SCAI: variants seen among roughly 807,000 people sequenced by gnomAD.
SCAI encodes the protein suppressor of cancer cell invasion.
SCAI carries 24 observed loss-of-function variants against 92.2 expected under a neutral mutation model. That is an observed-to-expected ratio of 0.26 (90% CI 0.19 to 0.37). SCAI has a LOEUF of 0.37. Among genes scored for constraint, SCAI ranks in the 10% least tolerant of loss-of-function variants. SCAI has a pLI of 1.00. For synonymous variants in SCAI, 261 were observed against 258.6 expected, an observed-to-expected ratio of 1.01 and a Z score of -0.09; for missense variants, 450 against 736.2, an observed-to-expected ratio of 0.61 and a Z score of 4.50.
intron 6 of SCAI, among the ~76,000 whole-genome samples, chr9:125,025,220 T>C (rs998726902): frequency 2.6e-5 from 4 of 152,204 alleles, no homozygotes; most frequent in African/African-American, 9.6e-5. Flanking sequence ...CACCAGATTG[T>C]CCTTTGATTC....
At chr9:125,036,418 G>A (rs1439873650) in intron 3 of SCAI, among the ~76,000 whole-genome samples, 1 of 152,056 alleles carries the variant, frequency 6.6e-6, no homozygotes, top group Non-Finnish European at 1.5e-5. Flanking sequence ...ATTAATAAAC[G>A]AAGAAAGAGT....
intron 17 of SCAI, among the ~76,000 whole-genome samples, chr9:124,958,838 C>G (rs1831373962): frequency 2.0e-5 from 3 of 148,474 alleles, no homozygotes; most frequent in Non-Finnish European, 4.4e-5. Flanking sequence ...ATCCGGGAGG[C>G]AGAGGTTGCA....
rs3222316 is a variant in SCAI at position 125,126,392 on chromosome 9, G to GGTGT, written c.98+16237_98+16240dup. 2.2e-3 allele frequency among the ~76,000 whole-genome samples: 251 copies of GGTGT among 115,112 alleles called. 1 individual carries two copies. The highest frequency in any genetic ancestry group is 7.5e-3 in the South Asian group (29 of 3,858). The allele number at this position is 115,112 out of a possible 152,430, so 75.5% of individuals were successfully genotyped here. A position where few individuals can be genotyped will look rare whatever the true frequency, so the allele number is the denominator to read the frequency against. ...TTAGCCTCCCCCAAAGTGAGTTGGG[G>GGTGT]GTGTGTGTGTGTGTGTGTGTGTGTG... On this transcript the variant is annotated intron_variant, in intron 2 of 17. Transcript: ENST00000336505.
At position 125,085,360 on chromosome 9, in the gene SCAI, A is replaced by G. The variant is rs541177670; in HGVS notation, c.99-29353T>C. ...AAATTAGCCTTGCGTGGTGGCGTGC[A>G]CCTGTAGTCACAGCTACTCAGGAAG... On this transcript the variant is annotated intron_variant, in intron 2 of 17. Coordinates refer to ENST00000336505, the MANE Select transcript of SCAI (RefSeq NM_001144877.3). 9.2e-5 allele frequency among the ~76,000 whole-genome samples: 14 copies of G among 152,148 alleles called. 1 individual carries two copies. The South Asian group carries it at 2.9e-3, about 32-fold the overall frequency.
chr9:124,972,187 T>C (rs544293181), intron 15 of SCAI, among the ~76,000 whole-genome samples: 1 of 152,326 alleles, frequency 6.6e-6, no homozygotes, highest in South Asian at 2.1e-4. Flanking sequence ...CCAGTCTTTT[T>C]CATTCTCTTC....
intron 2 of SCAI, among the ~76,000 whole-genome samples, chr9:125,083,185 T>C (rs1834256778): frequency 6.6e-6 from 1 of 152,136 alleles, no homozygotes; most frequent in Non-Finnish European, 1.5e-5. Context: ...GGAGTTCCCC[T>C]GCACAAGCTC....
intron 1 of SCAI, 133 bp downstream of exon 1, chr9:125,143,252 T>TC (rs969112112): frequency 1.0e-5 from 3 of 299,966 alleles, no homozygotes; most frequent in South Asian, 1.4e-4. Context: ...GCCCCCAAGG[T>TC]CCCCCCAGCC....
rs941761582 is a variant in SCAI at position 124,947,070 on chromosome 9, T to C, written c.*5737A>G. On this transcript the variant is annotated 3_prime_UTR_variant, in exon 18 of 18. Coordinates refer to ENST00000336505, the MANE Select transcript of SCAI (RefSeq NM_001144877.3). ...CTCATAGAGACACATAAAACACTGA[T>C]GAAAAAAGAATTGTTCCAAAATCAA... 6.6e-6 allele frequency: 1 copy of C among 152,126 alleles called. No homozygotes were observed. The highest frequency in any genetic ancestry group is 2.4e-5 in the African/African-American group (1 of 41,430). 9.4% of individuals were successfully genotyped at this position (152,126 alleles called of 1,614,324 possible). A position where few individuals can be genotyped will look rare whatever the true frequency, so the allele number is the denominator to read the frequency against.
chr9:125,095,254 G>T (rs1834522868), intron 2 of SCAI, among the ~76,000 whole-genome samples: 1 of 152,202 alleles, frequency 6.6e-6, no homozygotes, highest in Non-Finnish European at 1.5e-5. Context: ...GTCAGCTCCT[G>T]TTGTTCACAG....
At chr9:125,101,523 T>C (rs922574567) in intron 2 of SCAI, among the ~76,000 whole-genome samples, 1 of 152,162 alleles carries the variant, frequency 6.6e-6, no homozygotes, top group Non-Finnish European at 1.5e-5. Context: ...CTGACTAAGA[T>C]GAGACCTCCA....
In SCAI at chr9:125,019,200, C is replaced by T; in HGVS notation, c.615G>A (p.Leu205=). ...MDVVKDLVKE[L]SDEIEDYTHR... Reference sequence around the variant, plus strand: ...GAGTATAATCTTCAATTTCATCTGACAATTCCTGATTTTAAAAACATCACA... The same window carrying T: ...GAGTATAATCTTCAATTTCATCTGATAATTCCTGATTTTAAAAACATCACA... The change falls in exon 8 of 18, where the codon TTG becomes TTA. Residue 205 remains leucine (L), a synonymous_variant. Transcript: ENST00000336505. 1 of 1,545,122 alleles carries T rather than the reference C, an allele frequency of 6.5e-7. No homozygotes were observed. The highest frequency in any genetic ancestry group is 8.8e-7 in the Non-Finnish European group (1 of 1,133,484).
At chr9:125,061,614 G>C (rs1023438008) in intron 2 of SCAI, among the ~76,000 whole-genome samples, 1 of 152,058 alleles carries the variant, frequency 6.6e-6, no homozygotes, top group Non-Finnish European at 1.5e-5. Context: ...ACAAAAGCTA[G>C]CCAGGCATGG....
chr9:125,053,326 C>T (rs553303765), intron 3 of SCAI, among the ~76,000 whole-genome samples: 4 of 152,192 alleles, frequency 2.6e-5, no homozygotes, highest in African/African-American at 4.8e-5. Context: ...AAGAGCAACA[C>T]TCTGTCTCAA....
chr9:124,984,712 T>C (rs1344565267), intron 14 of SCAI, among the ~76,000 whole-genome samples: 1 of 152,184 alleles, frequency 6.6e-6, no homozygotes, highest in African/African-American at 2.4e-5. Flanking sequence ...GTTTGCAAAC[T>C]CTACCAACTA....
At chr9:124,991,118 C>CGAGGTGGGTGGATCACCT (rs1832110974) in intron 14 of SCAI, among the ~76,000 whole-genome samples, 1 of 151,992 alleles carries the variant, frequency 6.6e-6, no homozygotes, top group South Asian at 2.1e-4. Flanking sequence ...TTTGGAAGGC[C>CGAGGTGGGTGGATCACCT]GAGGTGGGTG....
chr9:125,043,435 C>T (rs771191002), intron 3 of SCAI, among the ~76,000 whole-genome samples: 2 of 152,268 alleles, frequency 1.3e-5, no homozygotes, highest in South Asian at 2.1e-4. Context: ...TTTGCTTTTA[C>T]CCATTGGTAG....
chr9:125,113,133 C>T (rs1236909272), intron 2 of SCAI, among the ~76,000 whole-genome samples: 1 of 152,110 alleles, frequency 6.6e-6, no homozygotes, highest in African/African-American at 2.4e-5. Context: ...CCAAAGAGTA[C>T]AGTATGAAAA....
chr9:125,076,351 T>A (rs914172956), intron 2 of SCAI, among the ~76,000 whole-genome samples: 2 of 150,154 alleles, frequency 1.3e-5, no homozygotes, highest in South Asian at 2.1e-4. Flanking sequence ...ATACAATAAT[T>A]AGCCAGGCGT....
At chr9:125,096,770 A>T (rs770090412) in intron 2 of SCAI, among the ~76,000 whole-genome samples, 25 of 152,152 alleles carry the variant, frequency 1.6e-4, no homozygotes, top group Non-Finnish European at 3.5e-4. Context: ...ACACTCAATA[A>T]CTGTACACCT....
Sources: gnomAD v4.1 joint callset for allele counts (sites outside exome capture counted in the v4.1 genomes callset) on GRCh38, gnomAD v4.1.1 for gene constraint, MANE v1.5 for transcripts, NCBI Gene and HGNC (gene_info 2026-07-23, HGNC 2026-07-21) for gene names.